Variants in SLC14A2 observed in about 807,000 individuals in gnomAD.
SLC14A2 encodes urea transporter 2.
SLC14A2 carries 91 observed loss-of-function variants against 104.6 expected under a neutral mutation model. The observed-to-expected ratio is 0.87, with a 90% CI of 0.73 to 1.04. The LOEUF is 1.04. Among genes scored for constraint, SLC14A2 ranks in the 50% least tolerant of loss-of-function variants. The pLI is 0.00. For missense variants in SLC14A2, 1,189 were observed against 1,156.0 expected (o/e 1.03, Z -0.41); for synonymous variants, 476 against 466.4 (o/e 1.02, Z -0.27).
chr18:45,355,239 C>T (rs1172474055), intron 1 of SLC14A2, among the ~76,000 whole-genome samples: 2 of 152,064 alleles, frequency 1.3e-5, no homozygotes, highest in East Asian at 1.9e-4. Context: ...GAATGACAAA[C>T]TTTATGATGC....
chr18:45,319,479 G>A (rs937737612), intron 1 of SLC14A2, among the ~76,000 whole-genome samples: 2 of 152,180 alleles, frequency 1.3e-5, no homozygotes, highest in Admixed American at 6.5e-5. Context: ...ATAACATGAT[G>A]GGGACTGTCT....
intron 1 of SLC14A2, among the ~76,000 whole-genome samples, chr18:45,348,196 G>A (rs747408953): frequency 6.6e-6 from 1 of 152,236 alleles, no homozygotes; most frequent in Admixed American, 6.5e-5. Context: ...AGCCCAGAGC[G>A]GGTAGTACGA....
chr18:45,452,907 A>G (rs1251103619), intron 1 of SLC14A2, among the ~76,000 whole-genome samples: 3 of 152,214 alleles, frequency 2.0e-5, no homozygotes, highest in African/African-American at 4.8e-5. Flanking sequence ...GTGAAGGGCA[A>G]TATCTTTCTC....
chr18:45,451,810 C>T (rs1393943258), intron 1 of SLC14A2, among the ~76,000 whole-genome samples: 1 of 152,124 alleles, frequency 6.6e-6, no homozygotes, highest in Non-Finnish European at 1.5e-5. Context: ...AATTATGGTT[C>T]AGCAACAAAC....
intron 1 of SLC14A2, among the ~76,000 whole-genome samples, chr18:45,337,108 A>T (rs1163644186): frequency 6.6e-6 from 1 of 152,026 alleles, no homozygotes; most frequent in Non-Finnish European, 1.5e-5. Context: ...GGGAGTTCAG[A>T]ATAGGAACTC....
chr18:45,613,092 T>C (rs183040492), upstream of SLC14A2, among the ~76,000 whole-genome samples: 1 of 152,298 alleles, frequency 6.6e-6, no homozygotes, highest in Non-Finnish European at 1.5e-5. Context: ...TGGAGTGCAG[T>C]AGCGCAATCT....
At chr18:45,441,632 T>C (rs542418752) in intron 1 of SLC14A2, among the ~76,000 whole-genome samples, 4 of 152,202 alleles carry the variant, frequency 2.6e-5, no homozygotes, top group Non-Finnish European at 5.9e-5. Flanking sequence ...CGCATGCCCA[T>C]ACATGTGTGT....
At chr18:45,263,693 C>T (rs943750661) in intron 1 of SLC14A2, among the ~76,000 whole-genome samples, 2 of 152,160 alleles carry the variant, frequency 1.3e-5, no homozygotes, top group African/African-American at 4.8e-5. Context: ...GGTTTAGACT[C>T]ATGGATATTT....
At position 45,641,238 on chromosome 18, in the gene SLC14A2, A is replaced by G. The variant is rs776329558; in HGVS notation, c.1021A>G (p.Ile341Val). 6 of 1,613,888 alleles carry G rather than the reference A, an allele frequency of 3.7e-6. No individual in the cohort carries two copies. In the East Asian group the frequency reaches 8.9e-5, roughly 24 times the overall value. Residue 341 changes from isoleucine (I) to valine (V), a missense_variant, in exon 8 of 20, where the codon ATC becomes GTC. By Grantham distance (29) the Ile-to-Val change is conservative (BLOSUM62 3). Coordinates refer to ENST00000255226, the MANE Select transcript of SLC14A2 (RefSeq NM_007163.4). ...GTCAGTGGCCACACCCTTCGAGACCATCTACACAGGCCTCTGGAGCTACAA... is the reference window on the plus strand; with the variant it reads ...GTCAGTGGCCACACCCTTCGAGACCGTCTACACAGGCCTCTGGAGCTACAA... ...ALSVATPFETIYTGLWSYNCV... is the reference protein window; with the variant it reads ...ALSVATPFETVYTGLWSYNCV...
chr18:45,456,226 G>T (rs1195322769), intron 1 of SLC14A2, among the ~76,000 whole-genome samples: 1 of 152,126 alleles, frequency 6.6e-6, no homozygotes, highest in Non-Finnish European at 1.5e-5. Context: ...CAGAACCACA[G>T]GGCTAGGCAG....
chr18:45,509,754 C>A (rs1296559009), intron 2 of SLC14A2, among the ~76,000 whole-genome samples: 1 of 152,188 alleles, frequency 6.6e-6, no homozygotes, highest in Non-Finnish European at 1.5e-5. Flanking sequence ...GGGCCAAAGC[C>A]CTTGAGAAGT....
intron 1 of SLC14A2, among the ~76,000 whole-genome samples, chr18:45,333,034 C>T (rs2085304775): frequency 6.6e-6 from 1 of 152,174 alleles, no homozygotes; most frequent in Non-Finnish European, 1.5e-5. Context: ...CTACACAGCT[C>T]TGGCAATTTA....
chr18:45,466,264 G>C (rs769903269), intron 1 of SLC14A2, among the ~76,000 whole-genome samples: 1 of 151,966 alleles, frequency 6.6e-6, no homozygotes, highest in African/African-American at 2.4e-5. Flanking sequence ...TGAGTACAGA[G>C]GGGTGTGGTA....
intron 2 of SLC14A2, among the ~76,000 whole-genome samples, chr18:45,603,309 G>T (rs1435818010): frequency 1.3e-5 from 2 of 152,016 alleles, no homozygotes; most frequent in African/African-American, 2.4e-5. Flanking sequence ...CCTGTCTCTT[G>T]TTGGTCCATA....
chr18:45,330,972 G>T (rs148899163), intron 1 of SLC14A2, among the ~76,000 whole-genome samples: 73 of 152,120 alleles, frequency 4.8e-4, no homozygotes, highest in Non-Finnish European at 9.4e-4. Context: ...CAAAAAATAC[G>T]TGATTGAAAA....
At chr18:45,560,633 C>T (rs562643361) in intron 2 of SLC14A2, among the ~76,000 whole-genome samples, 6 of 152,086 alleles carry the variant, frequency 3.9e-5, no homozygotes, top group Non-Finnish European at 8.8e-5. Context: ...AAAGTGATAA[C>T]AAAAATAAGA....
At chr18:45,530,752 G>A (rs1050105098) in intron 2 of SLC14A2, among the ~76,000 whole-genome samples, 7 of 151,970 alleles carry the variant, frequency 4.6e-5, no homozygotes, top group African/African-American at 1.5e-4. Context: ...ACAACATGCA[G>A]GTTTGTTACA....
At chr18:45,211,611 T>A (rs1468422665), upstream of SLC14A2, among the ~76,000 whole-genome samples, 1 of 152,202 alleles carries the variant, frequency 6.6e-6, no homozygotes, top group Non-Finnish European at 1.5e-5. Flanking sequence ...TTCTTTCTGC[T>A]CTCTCCCTCC....
chr18:45,663,574 G>A lies in SLC14A2; in HGVS notation c.1352-211G>A, dbSNP rs116226138. On this transcript the variant is annotated intron_variant, in intron 10 of 19. Transcript: ENST00000255226. The stretch of plus-strand genomic sequence containing the variant: ...CCATTTCTTGACAGACTATAACTTG[G>A]GTTACTGTGGGGAGAGGAAGTAGAA... Among the ~76,000 whole-genome samples the A allele has an allele frequency of 8.2e-3, 1,241 of 152,228 alleles. 9 individuals are homozygous for A. The highest frequency in any genetic ancestry group is 0.028 in the African/African-American group (1,179 of 41,524).
Sources: gnomAD v4.1 joint callset for allele counts (sites outside exome capture counted in the v4.1 genomes callset) on GRCh38, gnomAD v4.1.1 for gene constraint, MANE v1.5 for transcripts, NCBI Gene and HGNC (gene_info 2026-07-23, HGNC 2026-07-21) for gene names.